The following BBS9 variants were observed in gnomAD, a reference collection of about 807,000 sequenced individuals.
BBS9 encodes the protein Bardet-Biedl syndrome 9.
Under a neutral mutation model 117.7 loss-of-function variants are expected in BBS9, and 89 were observed. The ratio of observed to expected loss-of-function variants is 0.76; its 90% CI spans 0.64 to 0.90. The LOEUF (loss-of-function observed/expected upper bound fraction) is 0.90, where lower values mean the gene tolerates loss of function less well. Ranked by LOEUF, BBS9 falls within the 40% of genes least tolerant of loss-of-function variation. The pLI is 0.00. For synonymous variants in BBS9, 379 were observed against 370.9 expected, an observed-to-expected ratio of 1.02 and a Z score of -0.25; for missense variants, 982 against 1,042.2, an observed-to-expected ratio of 0.94 and a Z score of 0.80.
Position 33,633,511 on chromosome 7 carries a change from T to C in BBS9, c.2522-1666T>C, listed in dbSNP as rs1023622350. Among the ~76,000 whole-genome samples the C allele has an allele frequency of 2.9e-3, 305 of 104,202 alleles. 7 individuals carry two copies. The highest frequency in any genetic ancestry group is 0.025 in the Admixed American group (253 of 10,156). The allele number at this position is 104,202 out of a possible 152,430, so 68.4% of individuals were successfully genotyped here. On this transcript the variant is annotated intron_variant, in intron 21 of 21. Transcript: ENST00000671952. Reference sequence around the variant, plus strand: ...GAAGTTGGTAAAGTTAACTTTTTTCTTTTTTTTTTTTTTTTTTTTGAGATT... The same window carrying C: ...GAAGTTGGTAAAGTTAACTTTTTTCCTTTTTTTTTTTTTTTTTTTGAGATT...
At chr7:33,217,948 C>A (rs528632288) in intron 5 of BBS9, among the ~76,000 whole-genome samples, 1 of 151,306 alleles carries the variant, frequency 6.6e-6, no homozygotes, top group East Asian at 1.9e-4. Flanking sequence ...AAGCAAATGG[C>A]GAAAGGAAAT....
intron 5 of BBS9, among the ~76,000 whole-genome samples, chr7:33,194,898 T>TA (rs1335098628): frequency 1.3e-5 from 2 of 152,164 alleles, no homozygotes; most frequent in East Asian, 3.8e-4. Context: ...TGTTGTGGTA[T>TA]TGCATTTAGC....
intron 21 of BBS9, among the ~76,000 whole-genome samples, chr7:33,612,075 A>T (rs917884843): frequency 6.6e-6 from 1 of 151,442 alleles, no homozygotes; most frequent in Non-Finnish European, 1.5e-5. Flanking sequence ...TAGTTAACAG[A>T]TAACATTTAA....
chr7:33,312,375 A>G (rs1809453300), intron 9 of BBS9, among the ~76,000 whole-genome samples: 1 of 152,240 alleles, frequency 6.6e-6, no homozygotes, highest in Non-Finnish European at 1.5e-5. Flanking sequence ...ATAGTGTTGC[A>G]TTAAAAATAT....
intron 19 of BBS9, among the ~76,000 whole-genome samples, chr7:33,411,878 T>G (rs1364479291): frequency 6.6e-6 from 1 of 152,120 alleles, no homozygotes; most frequent in African/African-American, 2.4e-5. Flanking sequence ...ATATGGTGTA[T>G]AGCCTCAAGG....
chr7:33,571,086 C>A (rs1348842288), intron 21 of BBS9, among the ~76,000 whole-genome samples: 2 of 152,064 alleles, frequency 1.3e-5, no homozygotes, highest in African/African-American at 4.8e-5. Flanking sequence ...GGTAATTTTA[C>A]TGTGGTTATA....
chr7:33,276,111 A>G (rs1394084355), intron 9 of BBS9, among the ~76,000 whole-genome samples: 2 of 151,920 alleles, frequency 1.3e-5, no homozygotes, highest in East Asian at 3.8e-4. Context: ...CTTTTCTTAC[A>G]TATAATTTAA....
intron 20 of BBS9, among the ~76,000 whole-genome samples, chr7:33,531,469 A>G (rs930254929): frequency 1.3e-5 from 2 of 152,150 alleles, no homozygotes; most frequent in Non-Finnish European, 2.9e-5. Flanking sequence ...GCCGCAGCCC[A>G]GTGTTTTGGG....
intron 19 of BBS9, among the ~76,000 whole-genome samples, chr7:33,502,035 C>T (rs1407769591): frequency 6.6e-6 from 1 of 152,110 alleles, no homozygotes; most frequent in Non-Finnish European, 1.5e-5. Context: ...CTCAGCCTCC[C>T]GAGTACTGGG....
chr7:33,218,851 C>T (rs1410665016), intron 5 of BBS9, among the ~76,000 whole-genome samples: 1 of 152,286 alleles, frequency 6.6e-6, no homozygotes, highest in Non-Finnish European at 1.5e-5. Flanking sequence ...GGCACCTCCT[C>T]TGCCTGGGCT....
At chr7:33,244,180 A>T (rs1171548741) in intron 5 of BBS9, among the ~76,000 whole-genome samples, 1 of 152,180 alleles carries the variant, frequency 6.6e-6, no homozygotes, top group Non-Finnish European at 1.5e-5. Flanking sequence ...CAGTGAGCCG[A>T]GATTGTGCCA....
At chr7:33,527,662 A>T (rs1372460438) in intron 20 of BBS9, among the ~76,000 whole-genome samples, 2 of 152,144 alleles carry the variant, frequency 1.3e-5, no homozygotes, top group African/African-American at 4.8e-5. Context: ...CTCCCTAGTG[A>T]GATGAACCAG....
chr7:33,346,102 C>T (rs887574884), intron 12 of BBS9: 2 of 288,546 alleles, frequency 6.9e-6, no homozygotes, highest in East Asian at 9.2e-5. Flanking sequence ...AAGAATGCAA[C>T]AGGCAAGGGG....
chr7:33,176,235 T>C (rs1239522268), intron 4 of BBS9, among the ~76,000 whole-genome samples: 1 of 152,144 alleles, frequency 6.6e-6, no homozygotes, highest in Non-Finnish European at 1.5e-5. Flanking sequence ...TACCCTGCAG[T>C]GGAAAAGACA....
intron 5 of BBS9, among the ~76,000 whole-genome samples, chr7:33,236,217 T>G (rs964897734): frequency 1.3e-5 from 2 of 150,504 alleles, no homozygotes; most frequent in Non-Finnish European, 2.9e-5. Context: ...TCCCAGCTAC[T>G]CAGGAGGCTG....
rs112044290 is a variant in BBS9, at chr7:33,303,876, G to T, written c.1016+29920G>T. On this transcript the variant is annotated intron_variant, in intron 9 of 22. Transcript: ENST00000242067. ...TCGCTACAAGGTCCACCTCCCAGCC[G>T]CCTGCCTTGGCCTCCCAAAGTGCTA... Among the ~76,000 whole-genome samples, 6 of 152,276 alleles carry T rather than the reference G, an allele frequency of 3.9e-5. 1 individual carries two copies. The highest frequency in any genetic ancestry group is 1.4e-4 in the African/African-American group (6 of 41,580).
chr7:33,501,188 C>G (rs1845392108), intron 19 of BBS9, among the ~76,000 whole-genome samples: 1 of 152,180 alleles, frequency 6.6e-6, no homozygotes, highest in Non-Finnish European at 1.5e-5. Context: ...TCTTCTAGGC[C>G]TTGGTCTCAG....
At chr7:33,460,858 A>G (rs567913722) in intron 19 of BBS9, among the ~76,000 whole-genome samples, 1 of 152,178 alleles carries the variant, frequency 6.6e-6, no homozygotes, top group Admixed American at 6.6e-5. Flanking sequence ...ACTCCAAAGT[A>G]AAACGCCTTA....
At chr7:33,475,630 G>A (rs1208256653) in intron 19 of BBS9, among the ~76,000 whole-genome samples, 2 of 151,804 alleles carry the variant, frequency 1.3e-5, no homozygotes, top group Non-Finnish European at 2.9e-5. Flanking sequence ...TTGAAATATT[G>A]CCAGATGTTC....
Sources: allele counts gnomAD v4.1 joint callset (sites outside exome capture counted in the v4.1 genomes callset), GRCh38; gene constraint gnomAD v4.1.1; transcripts MANE v1.5; gene names NCBI Gene and HGNC (gene_info 2026-07-23, HGNC 2026-07-21).